TRIM2: variants seen among roughly 807,000 people sequenced by gnomAD.
TRIM2 encodes the protein tripartite motif-containing protein 2.
TRIM2 carries 20 observed loss-of-function variants against 75.2 expected under a neutral mutation model. The observed-to-expected ratio is 0.27, with a 90% CI of 0.19 to 0.39. The LOEUF (loss-of-function observed/expected upper bound fraction) is 0.39. Among genes scored for constraint, TRIM2 ranks in the 10% least tolerant of loss-of-function variants. The pLI is 1.00. For missense variants in TRIM2, 660 were observed against 990.8 expected (o/e 0.67, Z 4.48); for synonymous variants, 373 against 388.3 (o/e 0.96, Z 0.46).
intron 1 of TRIM2, among the ~76,000 whole-genome samples, chr4:153,205,443 C>T (rs1012824723): frequency 6.6e-6 from 1 of 152,124 alleles, no homozygotes; most frequent in Non-Finnish European, 1.5e-5. Context: ...GTCATTGCGA[C>T]CTGTAAGGTG....
In TRIM2 at chr4:153,295,603, C is replaced by T. The variant is rs116558260; in HGVS notation, c.1077C>T (p.Gly359=). ...TTGCCTCAGAGACAGTGGCCACGGGCGAGGGGCTGCGGCAGACCATCATCG... is the reference window on the plus strand; with the variant it reads ...TTGCCTCAGAGACAGTGGCCACGGGTGAGGGGCTGCGGCAGACCATCATCG... ...NAVASETVAT[G]EGLRQTIIGQ... The change falls in exon 6 of 12, where the codon GGC becomes GGT. Residue 359 remains glycine, a synonymous_variant. Transcript: ENST00000338700. This position sits in a 1 kb window ranked among gnomAD's most constrained non-coding sequence, Gnocchi z 7.2. 9.2e-5 allele frequency: 148 copies of T among 1,613,920 alleles called. No homozygotes were observed. The African/African-American group carries it at 1.7e-3, about 19-fold the overall frequency.
intron 5 of TRIM2, 44 bp downstream of exon 5, chr4:153,294,529 T>C: frequency 6.3e-7 from 1 of 1,593,402 alleles, no homozygotes; most frequent in Non-Finnish European, 8.6e-7. Flanking sequence ...AGACATGATA[T>C]CCAAGGGCAC....
chr4:153,204,485 C>A lies in TRIM2; in HGVS notation c.-46C>A. On this transcript the variant is annotated 5_prime_UTR_variant, in exon 1 of 12. Coordinates refer to ENST00000338700, the MANE Select transcript of TRIM2 (RefSeq NM_015271.5). Reference sequence around the variant, plus strand: ...AATGGGCCCAGTTGTCTGCGGGCTGCGGGGAGCTAAGTCCCCAGATTGGAG... The same window carrying A: ...AATGGGCCCAGTTGTCTGCGGGCTGAGGGGAGCTAAGTCCCCAGATTGGAG... 1 of 1,550,042 alleles carries A rather than the reference C, an allele frequency of 6.5e-7. No individual in the cohort carries two copies. Among genetic ancestry groups the A allele is most frequent in the East Asian group, 2.4e-5 (1 of 40,916 alleles).
intron 1 of TRIM2, among the ~76,000 whole-genome samples, chr4:153,180,173 A>G (rs1285892604): frequency 1.3e-5 from 2 of 152,136 alleles, no homozygotes; most frequent in Non-Finnish European, 2.9e-5. Flanking sequence ...GGGCAGAATG[A>G]TTTGCCTTCA....
intron 1 of TRIM2, chr4:153,223,080 C>T (rs1741098473): frequency 6.6e-6 from 1 of 152,124 alleles, no homozygotes; most frequent in Non-Finnish European, 1.5e-5. Context: ...ACCCTCCCGC[C>T]CGGGCAAGGT....
chr4:153,309,361 G>A (rs1407422291), intron 6 of TRIM2, among the ~76,000 whole-genome samples: 2 of 152,170 alleles, frequency 1.3e-5, no homozygotes, highest in African/African-American at 4.8e-5. Flanking sequence ...AAATGGGGAT[G>A]ATAATGTTTG....
At chr4:153,257,427 C>A in intron 1 of TRIM2, 3 of 1,190,668 alleles carry the variant, frequency 2.5e-6, no homozygotes, top group Non-Finnish European at 3.2e-6. Context: ...AAGATCAAGA[C>A]CGATTGGTGT....
intron 6 of TRIM2, among the ~76,000 whole-genome samples, chr4:153,312,226 C>A (rs1053349018): frequency 4.6e-5 from 7 of 151,724 alleles, no homozygotes; most frequent in Admixed American, 2.0e-4. Context: ...TATCCATGTC[C>A]CTACAAAGGA....
intron 1 of TRIM2, among the ~76,000 whole-genome samples, chr4:153,247,677 C>CAAAAAAAA (rs1183914263): frequency 6.3e-5 from 5 of 79,544 alleles, no homozygotes; most frequent in East Asian, 5.4e-4. Flanking sequence ...GACTCTGTCT[C>CAAAAAAAA]AAAAAAAAAA....
chr4:153,239,418 GCTCT>G (rs145312123), intron 1 of TRIM2, among the ~76,000 whole-genome samples: 6,470 of 146,846 alleles, frequency 0.044, 417 homozygotes, highest in African/African-American at 0.15. Flanking sequence ...TAAAGATAGT[GCTCT>G]CTCTCTCTCT....
At chr4:153,226,589 G>A (rs927193359) in intron 1 of TRIM2, among the ~76,000 whole-genome samples, 4 of 152,200 alleles carry the variant, frequency 2.6e-5, no homozygotes, top group Non-Finnish European at 5.9e-5. Flanking sequence ...CTGTTTGAGG[G>A]ACGCCTTTTT....
chr4:153,178,032 G>T (rs1029770106), intron 1 of TRIM2, among the ~76,000 whole-genome samples: 5 of 151,986 alleles, frequency 3.3e-5, no homozygotes, highest in Non-Finnish European at 7.4e-5. Flanking sequence ...AAACTCCTGG[G>T]CTCAAGCAAT....
At chr4:153,240,575 C>A (rs193296740) in intron 1 of TRIM2, among the ~76,000 whole-genome samples, 3 of 152,294 alleles carry the variant, frequency 2.0e-5, no homozygotes, top group Admixed American at 2.0e-4. Flanking sequence ...TAGAAGGTTA[C>A]TACCTACGCT....
At chr4:153,182,949 A>G (rs1052410694) in intron 1 of TRIM2, among the ~76,000 whole-genome samples, 1 of 152,056 alleles carries the variant, frequency 6.6e-6, no homozygotes, top group African/African-American at 2.4e-5. Context: ...CCGTGACCTT[A>G]TTTGTTTATT....
intron 6 of TRIM2, among the ~76,000 whole-genome samples, chr4:153,312,981 C>T (rs1766694377): frequency 6.6e-6 from 1 of 152,102 alleles, no homozygotes; most frequent in Non-Finnish European, 1.5e-5. Flanking sequence ...ATAAAAATGG[C>T]AGTGCCCGTT....
At chr4:153,199,367 T>C (rs1734091744) in intron 1 of TRIM2, among the ~76,000 whole-genome samples, 1 of 152,172 alleles carries the variant, frequency 6.6e-6, no homozygotes, top group Non-Finnish European at 1.5e-5. Flanking sequence ...TTTAATGAAA[T>C]ATATGCTGAA....
intron 1 of TRIM2, among the ~76,000 whole-genome samples, chr4:153,221,494 T>A (rs1739975393): frequency 6.6e-6 from 1 of 152,206 alleles, no homozygotes; most frequent in African/African-American, 2.4e-5. Flanking sequence ...CGTTTCCTGC[T>A]TCTATGTTCC....
rs6535912 is a variant in TRIM2, at chr4:153,270,118, C to T, written c.31-217C>T. Among the ~76,000 whole-genome samples the T allele has an allele frequency of 0.025, 3,809 of 151,724 alleles. 94 individuals are homozygous for T. Among genetic ancestry groups the T allele is most frequent in the African/African-American group, 0.068 (2,797 of 41,338 alleles). On this transcript the variant is annotated intron_variant, in intron 1 of 11. Transcript: ENST00000338700. ...TAATTTTTTGTATTTTTAGTAGAGA[C>T]GGGGTTTCACTGTGTTAGCCAGGAG...
At chr4:153,219,540 T>C (rs1739396008) in intron 1 of TRIM2, among the ~76,000 whole-genome samples, 1 of 152,222 alleles carries the variant, frequency 6.6e-6, no homozygotes, top group South Asian at 2.1e-4. Flanking sequence ...GAGAGAAAAG[T>C]TTAAAATCAA....
Sources: gnomAD v4.1 joint callset for allele counts (sites outside exome capture counted in the v4.1 genomes callset) on GRCh38, gnomAD v4.1.1 for gene constraint, Gnocchi (gnomAD v3.1) non-coding constraint, MANE v1.5 for transcripts, NCBI Gene and HGNC (gene_info 2026-07-23, HGNC 2026-07-21) for gene names.